Variants in SACS observed in about 807,000 individuals in gnomAD.
SACS encodes sacsin.
Under a neutral mutation model 348.0 loss-of-function variants are expected in SACS, and 197 were observed. That is an observed-to-expected ratio of 0.57 (90% CI 0.50 to 0.64). The LOEUF (loss-of-function observed/expected upper bound fraction) is 0.64. Ranked by LOEUF, SACS falls within the 30% of genes least tolerant of loss-of-function variation. The pLI is 0.00. For missense variants in SACS, 4,999 were observed against 5,360.8 expected (o/e 0.93, Z 2.11); for synonymous variants, 1,985 against 1,910.6 (o/e 1.04, Z -1.02).
At position 23,335,255 on chromosome 13, in the gene SACS, G is replaced by A. The variant is rs1391165738; in HGVS notation, c.8621C>T (p.Ser2874Phe). The change falls in exon 10 of 10, where the codon TCT (serine) becomes TTT (phenylalanine). Residue 2874 changes from serine to phenylalanine, a missense_variant. Ser to Phe is a radical substitution (Grantham distance 155). Around this residue, in one of 6 missense-constraint regions of SACS, gnomAD observed 21 missense variants for 51.8 expected, o/e 0.41. Transcript: ENST00000382292. This position sits in a 1 kb window ranked among gnomAD's most constrained non-coding sequence, Gnocchi z 4.7. ...PHRAFCFLPLSLETGLPFHVN... is the reference protein window; with the variant it reads ...PHRAFCFLPLFLETGLPFHVN... ...ATGAAATGGCAGCCCAGTCTCCAAA[G>A]AAAGAGGCAAAAAACAGAAGGCCCT... is the stretch of plus-strand genomic sequence containing the variant. The A allele has an allele frequency of 2.5e-6, 4 of 1,613,750 alleles. No individual in the cohort carries two copies. Among genetic ancestry groups the A allele is most frequent in the Non-Finnish European group, 3.4e-6 (4 of 1,179,862 alleles).
In SACS at chr13:23,333,678, A is replaced by T; in HGVS notation, c.10198T>A (p.Ser3400Thr). Residue 3400 changes from serine to threonine, a missense_variant, in exon 10 of 10, where the codon TCC (serine) becomes ACC (threonine). By Grantham distance (58) the Ser-to-Thr change is moderately conservative (BLOSUM62 1). Around this residue, in one of 6 missense-constraint regions of SACS, gnomAD observed 734 missense variants for 694.0 expected, o/e 1.06. Transcript: ENST00000382292. ...YFNCNLNHLM[S>T]QDDIKILKSL... ...TTTAGAATTTTTATATCATCTTGGG[A>T]CATCAAATGATTCAAATTGCAGTTG... The T allele has an allele frequency of 6.2e-7, 1 of 1,613,764 alleles. No homozygotes were observed. The highest frequency in any genetic ancestry group is 8.5e-7 in the Non-Finnish European group (1 of 1,179,748).
At chr13:23,365,541 G>A (rs986460702) in intron 5 of SACS, among the ~76,000 whole-genome samples, 10 of 151,768 alleles carry the variant, frequency 6.6e-5, no homozygotes, top group Admixed American at 2.0e-4. Flanking sequence ...ATTAATCCTG[G>A]GCCCTATTTA....
At chr13:23,388,860 C>T (rs897581018) in intron 2 of SACS, among the ~76,000 whole-genome samples, 15 of 151,968 alleles carry the variant, frequency 9.9e-5, no homozygotes, top group African/African-American at 3.6e-4. Flanking sequence ...CCAAAAACCA[C>T]TTGTATCCCT....
intron 1 of SACS, among the ~76,000 whole-genome samples, chr13:23,420,583 C>T (rs1873892805): frequency 1.3e-5 from 2 of 152,096 alleles, no homozygotes; most frequent in Admixed American, 1.3e-4. Flanking sequence ...TAGCTAGGGC[C>T]TGGGTATTCA....
In SACS at chr13:23,418,594, C is replaced by CT. The variant is rs368489095; in HGVS notation, c.-501-6855dup. On this transcript the variant is annotated intron_variant, in intron 1 of 9. Coordinates refer to ENST00000382292, the MANE Select transcript of SACS (RefSeq NM_014363.6). ...GATCTCTGCTCACTGCAACTTCCGCCTCCTGGGTTCTAGTGATTTGCCTGC... is the reference window on the plus strand; with the variant it reads ...GATCTCTGCTCACTGCAACTTCCGCCTTCCTGGGTTCTAGTGATTTGCCTGC... Among the ~76,000 whole-genome samples the CT allele has an allele frequency of 9.8e-4, 149 of 152,290 alleles. 1 individual carries two copies. The highest frequency in any genetic ancestry group is 3.3e-3 in the African/African-American group (136 of 41,564).
Position 23,338,167 on chromosome 13 carries a change from ATC to A in SACS, c.5707_5708del (p.Asp1903TyrfsTer31), listed in dbSNP as rs1593129673. ...ACGTGGTATTCCATCGTCCTTTTGT[ATC>A]TGTTTTCCAGATTTCTTTCCTATTT... ...TSNRKEIWKT[D>X]TKGRWNTTFM... is the part of the protein sequence containing the mutation. On this transcript the variant is annotated frameshift_variant, in exon 10 of 10. Transcript: ENST00000382292. LOFTEE classifies it high-confidence loss of function. The A allele has an allele frequency of 1.2e-6, 2 of 1,614,136 alleles. No individual in the cohort carries two copies. Among genetic ancestry groups the A allele is most frequent in the Non-Finnish European group, 1.7e-6 (2 of 1,180,000 alleles).
rs1341019594 is a variant in SACS at position 23,332,310 on chromosome 13, C to G, written c.11566G>C (p.Val3856Leu). Reference sequence around the variant, plus strand: ...GAATTTTTAAATATGCGGCTCAACACTTCAACATATTGCTTAGTTGAAATA... The same window carrying G: ...GAATTTTTAAATATGCGGCTCAACAGTTCAACATATTGCTTAGTTGAAATA... Reference protein sequence around the residue: ...DIISTKQYVEVLSRIFKNSEG... With the variant: ...DIISTKQYVELLSRIFKNSEG... The change falls in exon 10 of 10, where the codon GTG becomes CTG. Residue 3856 changes from valine (V) to leucine (L), a missense_variant. Physicochemically the swap from Val to Leu is conservative, Grantham distance 32 (BLOSUM62 1). Transcript: ENST00000382292. 3 of 1,613,884 alleles carry G rather than the reference C, an allele frequency of 1.9e-6. No homozygotes were observed. The highest frequency in any genetic ancestry group is 2.5e-6 in the Non-Finnish European group (3 of 1,179,940).
chr13:23,352,730 G>T (rs189094201), intron 9 of SACS, among the ~76,000 whole-genome samples: 18 of 152,266 alleles, frequency 1.2e-4, no homozygotes, highest in Admixed American at 7.8e-4. Context: ...TTGTTTTGAA[G>T]ATGACAATTA....
Position 23,411,481 on chromosome 13 carries a change from C to G in SACS, c.-242G>C, listed in dbSNP as rs1415147374. The G allele has an allele frequency of 5.4e-6, 3 of 551,702 alleles. No homozygotes were observed. The allele number at this position is 551,702 out of a possible 1,614,324, so 34.2% of individuals were successfully genotyped here. A position where few individuals can be genotyped will look rare whatever the true frequency, so the allele number is the denominator to read the frequency against. On this transcript the variant is annotated 5_prime_UTR_variant, in exon 2 of 10. Transcript: ENST00000382292. Reference sequence around the variant, plus strand: ...TCTCCAGTCTGATAATGGTTGCCTGCTGATCCAGCGACCCATGGAAGTTCT... The same window carrying G: ...TCTCCAGTCTGATAATGGTTGCCTGGTGATCCAGCGACCCATGGAAGTTCT...
chr13:23,432,271 C>T (rs1040864039), intron 1 of SACS, among the ~76,000 whole-genome samples: 2 of 152,264 alleles, frequency 1.3e-5, no homozygotes, highest in African/African-American at 4.8e-5. Flanking sequence ...AACACTTAAT[C>T]GTGGAAAAGT....
intron 1 of SACS, among the ~76,000 whole-genome samples, chr13:23,422,638 A>G (rs1873998357): frequency 6.7e-6 from 1 of 149,960 alleles, no homozygotes; most frequent in African/African-American, 2.5e-5. Flanking sequence ...TCTGTGTGCA[A>G]AGATGCTTTG....
chr13:23,366,040 G>A (rs1871040292), intron 5 of SACS, among the ~76,000 whole-genome samples: 1 of 152,068 alleles, frequency 6.6e-6, no homozygotes, highest in Non-Finnish European at 1.5e-5. Flanking sequence ...CAGTTTGAAG[G>A]GAGCTCCAGA....
Position 23,335,463 on chromosome 13 carries a change from T to C in SACS, c.8413A>G (p.Thr2805Ala). The C allele has an allele frequency of 6.2e-7, 1 of 1,613,744 alleles. No homozygotes were observed. Among genetic ancestry groups the C allele is most frequent in the Non-Finnish European group, 8.5e-7 (1 of 1,179,860 alleles). ...CCTTCAGAGTCCTCAGTATCCATAG[T>C]ATAGGTTATTTGTTGAACTGGTATG... ...KDIPVQQITY[T>A]MDTEDSEGNL... The change falls in exon 10 of 10, where the codon ACT becomes GCT. Residue 2805 changes from threonine to alanine, a missense_variant. By Grantham distance (58) the Thr-to-Ala change is moderately conservative. Coordinates refer to ENST00000382292, the MANE Select transcript of SACS (RefSeq NM_014363.6). The surrounding 1 kb of genome is among the most constrained non-coding windows in gnomAD (Gnocchi z 4.7).
intron 2 of SACS, among the ~76,000 whole-genome samples, chr13:23,401,360 A>C (rs1005868689): frequency 1.3e-5 from 2 of 152,208 alleles, no homozygotes; most frequent in Non-Finnish European, 2.9e-5. Context: ...TGTATCACCT[A>C]TCTGTGACCT....
In SACS at chr13:23,402,504, T is replaced by C. The variant is rs535535666; in HGVS notation, c.20+8716A>G. On this transcript the variant is annotated intron_variant, in intron 2 of 9. Transcript: ENST00000382292. ...ATTCAGAAACTCATCTTCATAGTTA[T>C]ATATTTATTTGCATAAGTTCAATAG... is the stretch of plus-strand genomic sequence containing the variant. 2.0e-5 allele frequency among the ~76,000 whole-genome samples: 3 copies of C among 152,336 alleles called. No individual in the cohort carries two copies. In the East Asian group the frequency reaches 5.8e-4, roughly 29 times the overall value.
chr13:23,407,559 T>C (rs1873286801), intron 2 of SACS, among the ~76,000 whole-genome samples: 1 of 152,144 alleles, frequency 6.6e-6, no homozygotes. Context: ...AAATATCCTC[T>C]ATCACCAAGT....
Position 23,411,296 on chromosome 13 carries a change from CT to C in SACS, c.-58del, listed in dbSNP as rs1462084067. 6.7e-7 allele frequency: 1 copy of C among 1,494,286 alleles called. No individual in the cohort carries two copies. The highest frequency in any genetic ancestry group is 9.3e-7 in the Non-Finnish European group (1 of 1,071,334). The allele number at this position is 1,494,286 out of a possible 1,614,324, so 92.6% of individuals were successfully genotyped here. ...AACCATGAAAGTACGCTTCTTTCTT[CT>C]GTTTAAGTCTTCCCTCTGTGCTTCC... is the stretch of plus-strand genomic sequence containing the variant. On this transcript the variant is annotated 5_prime_UTR_variant, in exon 2 of 10. Transcript: ENST00000382292.
chr13:23,405,368 C>G (rs577898971), intron 2 of SACS, among the ~76,000 whole-genome samples: 29 of 152,248 alleles, frequency 1.9e-4, no homozygotes, highest in African/African-American at 6.7e-4. Flanking sequence ...TTGCAGAAAA[C>G]TGAAACTGGA....
rs749004855 is a variant in SACS, at chr13:23,334,111, T to C, written c.9765A>G (p.Val3255=). Residue 3255 remains valine, a synonymous_variant, in exon 10 of 10, where the codon GTA becomes GTG. Transcript: ENST00000382292. ...KNAWHFISES[V]SVKEDQEETK... Reference sequence around the variant, plus strand: ...TTTCTTCCTGATCTTCTTTCACACTTACAGATTCACTAATAAAATGCCATG... The same window carrying C: ...TTTCTTCCTGATCTTCTTTCACACTCACAGATTCACTAATAAAATGCCATG... The C allele has an allele frequency of 6.2e-7, 1 of 1,613,784 alleles. No homozygotes were observed. The highest frequency in any genetic ancestry group is 1.3e-5 in the African/African-American group (1 of 75,030).
Sources: allele counts gnomAD v4.1 joint callset (sites outside exome capture counted in the v4.1 genomes callset), GRCh38; gene constraint gnomAD v4.1.1; regional missense constraint gnomAD v4.1.1; non-coding constraint Gnocchi (gnomAD v3.1); transcripts MANE v1.5; gene names NCBI Gene and HGNC (gene_info 2026-07-23, HGNC 2026-07-21).